The following WDR48 variants were observed in gnomAD, a reference collection of about 807,000 sequenced individuals.
WDR48 encodes WD repeat domain 48.
A neutral mutation model predicts 94.0 loss-of-function variants in WDR48; 22 were observed. That is an observed-to-expected ratio of 0.23 (90% CI 0.17 to 0.33). WDR48 has a LOEUF of 0.33. Ranked by LOEUF, WDR48 falls within the 10% of genes least tolerant of loss-of-function variation. WDR48 has a pLI of 1.00. For synonymous variants in WDR48, 278 were observed against 280.5 expected, an observed-to-expected ratio of 0.99 and a Z score of 0.09; for missense variants, 541 against 813.8, an observed-to-expected ratio of 0.66 and a Z score of 4.08.
rs774898774 is a variant in WDR48, at chr3:39,079,823, T to G, written c.1173+15T>G. On this transcript the variant is annotated intron_variant, in intron 11 of 18. Transcript: ENST00000302313. ...ATGTATTGAAGGTGAGTATTTTTTT[T>G]GGGCTAAATATAGGTTGTTAGATTG... The G allele has an allele frequency of 9.5e-6, 14 of 1,475,384 alleles. No individual in the cohort carries two copies. The highest frequency in any genetic ancestry group is 6.7e-5 in the South Asian group (5 of 74,564). The allele number at this position is 1,475,384 out of a possible 1,614,324, so 91.4% of individuals were successfully genotyped here.
chr3:39,053,963 A>G (rs1212224098), intron 1 of WDR48, among the ~76,000 whole-genome samples: 1 of 152,218 alleles, frequency 6.6e-6, no homozygotes, highest in African/African-American at 2.4e-5. Context: ...GGTAGCAATC[A>G]GATTGGTGAA....
At chr3:39,056,651 A>C (rs890408113) in intron 1 of WDR48, among the ~76,000 whole-genome samples, 7 of 152,232 alleles carry the variant, frequency 4.6e-5, no homozygotes, top group Non-Finnish European at 1.0e-4. Context: ...TGCTAGAGGA[A>C]CTTACAGCAA....
At chr3:39,059,981 T>A (rs2033150885) in intron 1 of WDR48, among the ~76,000 whole-genome samples, 1 of 152,224 alleles carries the variant, frequency 6.6e-6, no homozygotes, top group Admixed American at 6.5e-5. Flanking sequence ...TTATAAGGAA[T>A]CTTGTTAAGA....
intron 1 of WDR48, among the ~76,000 whole-genome samples, chr3:39,059,108 G>A (rs555193919): frequency 2.0e-5 from 3 of 151,670 alleles, no homozygotes; most frequent in African/African-American, 7.3e-5. Flanking sequence ...ACAGAATGTG[G>A]TAAGAACTGT....
At chr3:39,077,995 G>A in intron 9 of WDR48, 142 bp from the exon 10 acceptor site, 1 of 604,382 alleles carries the variant, frequency 1.7e-6, no homozygotes, top group African/African-American at 1.9e-5. Context: ...TAATTGTACT[G>A]TGACCAAATA....
At position 39,088,070 on chromosome 3, in the gene WDR48, T is replaced by C. The variant is rs536590434; in HGVS notation, c.1475-58T>C. ...TTGAAGCTTGTGGGAGTAAAATGTT[T>C]AGAATCTGTATTTTTAGCACTAACT... On this transcript the variant is annotated intron_variant, in intron 14 of 18. Coordinates refer to ENST00000302313, the MANE Select transcript of WDR48 (RefSeq NM_020839.4). The C allele has an allele frequency of 2.6e-6, 4 of 1,529,384 alleles. No individual in the cohort carries two copies. The African/African-American group carries it at 4.1e-5, about 16-fold the overall frequency. 94.7% of individuals were successfully genotyped at this position (1,529,384 alleles called of 1,614,324 possible). A position where few individuals can be genotyped will look rare whatever the true frequency, so the allele number is the denominator to read the frequency against.
chr3:39,084,147 A>G lies in WDR48; in HGVS notation c.1174-8A>G. 6.2e-7 allele frequency: 1 copy of G among 1,601,064 alleles called. No homozygotes were observed. Among genetic ancestry groups the G allele is most frequent in the Non-Finnish European group, 8.5e-7 (1 of 1,170,560 alleles). On this transcript the variant is annotated splice_region_variant and splice_polypyrimidine_tract_variant and intron_variant, in intron 11 of 18. Transcript: ENST00000302313. ...ATATTGATCATTATACTTTCTTTTG[A>G]TGTATAGGCATGTAAAGTTGAAGAT...
chr3:39,079,875 G>T (rs1242627536), intron 11 of WDR48, 67 bp downstream of exon 11: 2 of 863,682 alleles, frequency 2.3e-6, no homozygotes, highest in Non-Finnish European at 3.4e-6. Context: ...TTTATTTTTT[G>T]TATGTGATAA....
At chr3:39,071,258 T>A (rs1287061729) in intron 7 of WDR48, among the ~76,000 whole-genome samples, 1 of 152,234 alleles carries the variant, frequency 6.6e-6, no homozygotes, top group African/African-American at 2.4e-5. Flanking sequence ...GTGTTAATAA[T>A]AAGTATTTTC....
chr3:39,087,459 A>G (rs951377858), intron 14 of WDR48, among the ~76,000 whole-genome samples: 2 of 152,226 alleles, frequency 1.3e-5, no homozygotes, highest in African/African-American at 4.8e-5. Flanking sequence ...CCTACAAGAA[A>G]TGTAAACAAT....
At chr3:39,060,583 C>T (rs2033196301) in intron 1 of WDR48, among the ~76,000 whole-genome samples, 1 of 152,222 alleles carries the variant, frequency 6.6e-6, no homozygotes, top group African/African-American at 2.4e-5. Flanking sequence ...GGCCAGATCA[C>T]CATTGCTCTT....
chr3:39,053,005 A>G lies in WDR48; in HGVS notation c.48+932A>G, dbSNP rs928121412. ...CCTGCACGTTGTGCACATATATCCTAGAACTTAAAGTATAATAATAATATT... is the reference window on the plus strand; with the variant it reads ...CCTGCACGTTGTGCACATATATCCTGGAACTTAAAGTATAATAATAATATT... On this transcript the variant is annotated intron_variant, in intron 1 of 18. Coordinates refer to ENST00000302313, the MANE Select transcript of WDR48 (RefSeq NM_020839.4). 5.3e-5 allele frequency among the ~76,000 whole-genome samples: 8 copies of G among 152,218 alleles called. No homozygotes were observed. In the South Asian group the frequency reaches 1.5e-3, roughly 28 times the overall value.
rs970112633 is a variant in WDR48 at position 39,084,807 on chromosome 3, T to G, written c.1378+66T>G. 1.5e-5 allele frequency: 21 copies of G among 1,380,298 alleles called. No individual in the cohort carries two copies. The East Asian group carries it at 4.9e-4, about 32-fold the overall frequency. The allele number at this position is 1,380,298 out of a possible 1,614,324, so 85.5% of individuals were successfully genotyped here. ...GAGAAGATGAATATGAGCTGTTTTT[T>G]GCTAAGTACTTATCTTTGTAAAAGT... On this transcript the variant is annotated intron_variant, in intron 13 of 18. Coordinates refer to ENST00000302313, the MANE Select transcript of WDR48 (RefSeq NM_020839.4).
intron 6 of WDR48, 55 bp from the exon 7 acceptor site, chr3:39,069,588 T>A: frequency 7.0e-7 from 1 of 1,432,864 alleles, no homozygotes; most frequent in Admixed American, 1.9e-5. Context: ...TTGTCTGTTA[T>A]TTAAATTTGA....
chr3:39,070,832 T>A (rs1251000664), intron 7 of WDR48, among the ~76,000 whole-genome samples: 2 of 151,958 alleles, frequency 1.3e-5, no homozygotes, highest in Non-Finnish European at 2.9e-5. Flanking sequence ...CCCAATGCTA[T>A]CCCCCCACCC....
At chr3:39,074,446 AAG>A (rs1434605759) in intron 7 of WDR48, among the ~76,000 whole-genome samples, 11 of 152,252 alleles carry the variant, frequency 7.2e-5, no homozygotes, top group Non-Finnish European at 1.6e-4. Flanking sequence ...ATTTAGGAAA[AAG>A]AGATGAGGAG....
rs1422540426 is a variant in WDR48, at chr3:39,094,739, C to T, written c.2030C>T (p.Thr677Met). Residue 677 changes from threonine (T) to methionine (M), a missense_variant, in exon 19 of 19, where the codon ACG (threonine) becomes ATG (methionine). This residue lies in a region of WDR48 where 109 missense variants were observed against 195.5 expected (regional missense o/e 0.56). Transcript: ENST00000302313. ...DLTLHYRQKS[T>M] The stretch of plus-strand genomic sequence containing the variant: ...ACCCTCCATTACCGTCAGAAGTCCA[C>T]GTGAAGGCTGGGCTAATGCTCCTGG... 2.5e-6 allele frequency: 4 copies of T among 1,613,902 alleles called. No homozygotes were observed. Among genetic ancestry groups the T allele is most frequent in the African/African-American group, 1.3e-5 (1 of 74,866 alleles).
intron 1 of WDR48, among the ~76,000 whole-genome samples, chr3:39,062,022 A>G (rs1364847905): frequency 1.3e-5 from 2 of 152,138 alleles, no homozygotes; most frequent in African/African-American, 2.4e-5. Flanking sequence ...AGATGGGTAG[A>G]TTGCAAAAAT....
rs181431103 is a variant in WDR48 at position 39,077,911 on chromosome 3, C to T, written c.973-226C>T. The T allele has an allele frequency of 1.0e-3, 418 of 418,890 alleles. 3 individuals are homozygous for T. The highest frequency in any genetic ancestry group is 7.8e-3 in the African/African-American group (385 of 49,426). The allele number at this position is 418,890 out of a possible 1,614,324, so 25.9% of individuals were successfully genotyped here. ...AATTTTACCTGGAAGAGCACTCCTG[C>T]TTTCATGCATAGTTTTCTCTCCCAA... is the stretch of plus-strand genomic sequence containing the variant. On this transcript the variant is annotated intron_variant, in intron 9 of 18. Transcript: ENST00000302313.
Sources: gnomAD v4.1 joint callset for allele counts (sites outside exome capture counted in the v4.1 genomes callset) on GRCh38, gnomAD v4.1.1 for gene constraint, gnomAD v4.1.1 regional missense constraint, MANE v1.5 for transcripts, NCBI Gene and HGNC (gene_info 2026-07-23, HGNC 2026-07-21) for gene names.